GPC5: variants seen among roughly 807,000 people sequenced by gnomAD.
The protein encoded by GPC5 is glypican 5, also known as glypican-5.
In GPC5, 47 loss-of-function variants were observed where a neutral mutation model predicts 53.9. The observed-to-expected ratio is 0.87, with a 90% CI of 0.69 to 1.11. The LOEUF (loss-of-function observed/expected upper bound fraction) is 1.11, where lower values mean the gene tolerates loss of function less well. GPC5 is among the 50% of genes most tolerant of loss of function. GPC5 has a pLI of 0.00. For synonymous variants in GPC5, 286 were observed against 263.3 expected (o/e 1.09, Z -0.84); for missense variants, 748 against 713.1 (o/e 1.05, Z -0.56).
intron 7 of GPC5, among the ~76,000 whole-genome samples, chr13:92,359,232 G>T (rs2043546676): frequency 6.6e-6 from 1 of 151,590 alleles, no homozygotes; most frequent in South Asian, 2.1e-4. Flanking sequence ...CTAGAGCAGG[G>T]ACATAATGCC....
At chr13:91,775,855 T>C (rs1403974101) in intron 5 of GPC5, among the ~76,000 whole-genome samples, 1 of 152,172 alleles carries the variant, frequency 6.6e-6, no homozygotes, top group African/African-American at 2.4e-5. Flanking sequence ...TCTGGCTAAG[T>C]GAAACTGAGA....
chr13:92,148,948 G>A (rs1427444013), intron 7 of GPC5, among the ~76,000 whole-genome samples: 6 of 151,952 alleles, frequency 3.9e-5, no homozygotes, highest in Admixed American at 2.6e-4. Flanking sequence ...ATTTGTGGTG[G>A]CATTGTTTAC....
chr13:91,947,966 C>T (rs2039989060), intron 6 of GPC5, among the ~76,000 whole-genome samples: 1 of 152,004 alleles, frequency 6.6e-6, no homozygotes. Context: ...CCTGACCTTG[C>T]TCAAGTCTAC....
chr13:92,498,540 G>C (rs983023911), intron 7 of GPC5, among the ~76,000 whole-genome samples: 1 of 152,058 alleles, frequency 6.6e-6, no homozygotes, highest in Non-Finnish European at 1.5e-5. Flanking sequence ...GCCTTTCCCT[G>C]GTTCTGGCTG....
chr13:92,228,524 C>T (rs2042505777), intron 7 of GPC5, among the ~76,000 whole-genome samples: 2 of 151,782 alleles, frequency 1.3e-5, no homozygotes, highest in African/African-American at 4.8e-5. Context: ...AAACATATCC[C>T]AAAAGTAAAG....
chr13:92,645,298 C>A (rs368025404), intron 7 of GPC5, among the ~76,000 whole-genome samples: 310 of 152,180 alleles, frequency 2.0e-3, no homozygotes, highest in Non-Finnish European at 3.9e-3. Flanking sequence ...GTGCCCACCA[C>A]CATGCCTGGC....
At chr13:91,785,103 C>T (rs1250452090) in intron 5 of GPC5, among the ~76,000 whole-genome samples, 4 of 152,200 alleles carry the variant, frequency 2.6e-5, no homozygotes, top group Admixed American at 6.5e-5. Context: ...GTCATCCTGC[C>T]TCACCTCCAT....
chr13:92,359,893 C>A (rs1594131620), intron 7 of GPC5, among the ~76,000 whole-genome samples: 4 of 151,698 alleles, frequency 2.6e-5, no homozygotes, highest in East Asian at 3.9e-4. Context: ...GGTAGGGACA[C>A]AAATTCAAAC....
intron 5 of GPC5, among the ~76,000 whole-genome samples, chr13:91,846,895 AAG>A (rs1326944851): frequency 3.3e-5 from 5 of 152,104 alleles, no homozygotes; most frequent in African/African-American, 1.2e-4. Context: ...ATTAAGTTCA[AAG>A]AGAGAATGTA....
intron 7 of GPC5, among the ~76,000 whole-genome samples, chr13:92,791,092 T>TAAAG (rs1876444984): frequency 6.6e-6 from 1 of 152,092 alleles, no homozygotes; most frequent in Non-Finnish European, 1.5e-5. Flanking sequence ...TCAGTTAGAA[T>TAAAG]AAAGACCTAT....
chr13:92,519,976 T>C (rs1392561943), intron 7 of GPC5, among the ~76,000 whole-genome samples: 1 of 152,082 alleles, frequency 6.6e-6, no homozygotes. Flanking sequence ...AAATACAAAC[T>C]ACCATCAGAG....
chr13:92,840,078 CATATATATAT>C (rs4001881), intron 7 of GPC5, among the ~76,000 whole-genome samples: 3,922 of 98,616 alleles, frequency 0.04, 75 homozygotes, highest in Non-Finnish European at 0.046. Context: ...TATATACATA[CATATATATAT>C]ATATATATAT....
intron 2 of GPC5, among the ~76,000 whole-genome samples, chr13:91,669,376 A>C (rs1020057475): frequency 6.6e-6 from 1 of 152,196 alleles, no homozygotes; most frequent in Non-Finnish European, 1.5e-5. Flanking sequence ...TCCTAGACAA[A>C]TTGGAGAAAC....
chr13:92,817,758 C>G (rs976789566), intron 7 of GPC5, among the ~76,000 whole-genome samples: 11 of 151,830 alleles, frequency 7.2e-5, no homozygotes, highest in Non-Finnish European at 1.0e-4. Flanking sequence ...AAAATTGACT[C>G]CAAGAAACAA....
intron 7 of GPC5, among the ~76,000 whole-genome samples, chr13:92,667,901 C>T (rs1009102640): frequency 1.1e-4 from 16 of 152,052 alleles, no homozygotes; most frequent in Non-Finnish European, 2.2e-4. Flanking sequence ...CTAGGGATTT[C>T]AAGTGAGCAA....
Position 91,728,680 on chromosome 13 carries a change from T to C in GPC5, c.1154+15T>C. The C allele has an allele frequency of 1.9e-6, 3 of 1,603,670 alleles. No individual in the cohort carries two copies. The highest frequency in any genetic ancestry group is 2.6e-6 in the Non-Finnish European group (3 of 1,175,658). ...AACAGAAGAAAGTAAGACATTTGTT[T>C]TACAACCAGAAAGAGAAAAGAAAGT... On this transcript the variant is annotated intron_variant, in intron 4 of 7. Coordinates refer to ENST00000377067, the MANE Select transcript of GPC5 (RefSeq NM_004466.6).
chr13:91,803,781 G>GACAGACAC (rs1555286643), intron 5 of GPC5, among the ~76,000 whole-genome samples: 2 of 147,638 alleles, frequency 1.4e-5, no homozygotes, highest in Non-Finnish European at 3.0e-5. Context: ...CAGACAGACA[G>GACAGACAC]ACACACACAC....
chr13:92,212,214 A>G (rs920459989), intron 7 of GPC5, among the ~76,000 whole-genome samples: 3 of 152,182 alleles, frequency 2.0e-5, no homozygotes, highest in Non-Finnish European at 4.4e-5. Context: ...ACATTTATGA[A>G]GTAGGTACCA....
intron 7 of GPC5, among the ~76,000 whole-genome samples, chr13:92,258,199 A>G (rs939842246): frequency 6.6e-6 from 1 of 152,144 alleles, no homozygotes; most frequent in Non-Finnish European, 1.5e-5. Context: ...TTATTTGGAG[A>G]TTCTAATGCA....
Sources: gnomAD v4.1 joint callset for allele counts (sites outside exome capture counted in the v4.1 genomes callset) on GRCh38, gnomAD v4.1.1 for gene constraint, MANE v1.5 for transcripts, NCBI Gene and HGNC (gene_info 2026-07-23, HGNC 2026-07-21) for gene names.